Variants in LRRTM4 observed in about 807,000 individuals in gnomAD.
The protein encoded by LRRTM4 is leucine rich repeat transmembrane neuronal 4.
LRRTM4 carries 25 observed loss-of-function variants against 47.6 expected under a neutral mutation model. That is an observed-to-expected ratio of 0.53 (90% CI 0.38 to 0.73). The LOEUF (loss-of-function observed/expected upper bound fraction) is 0.73. Ranked by LOEUF, LRRTM4 falls within the 30% of genes least tolerant of loss-of-function variation. LRRTM4 has a pLI of 0.00. For synonymous variants in LRRTM4, 311 were observed against 269.5 expected (o/e 1.15, Z -1.51); for missense variants, 638 against 713.4 (o/e 0.89, Z 1.20).
intron 3 of LRRTM4, among the ~76,000 whole-genome samples, chr2:76,919,769 T>C (rs917209886): frequency 6.6e-6 from 1 of 152,188 alleles, no homozygotes; most frequent in East Asian, 1.9e-4. Context: ...CAGCATCCAA[T>C]GCACATTATA....
At chr2:77,492,864 T>G in intron 3 of LRRTM4, among the ~76,000 whole-genome samples, 1 of 152,150 alleles carries the variant, frequency 6.6e-6, no homozygotes, top group East Asian at 1.9e-4. Context: ...ATAAATAATA[T>G]ATTTTAATGC....
At chr2:77,330,659 C>A (rs1377539679) in intron 3 of LRRTM4, among the ~76,000 whole-genome samples, 2 of 152,088 alleles carry the variant, frequency 1.3e-5, no homozygotes, top group Non-Finnish European at 2.9e-5. Context: ...TTATTTTATA[C>A]ATATTAATAA....
Position 77,234,947 on chromosome 2 carries a change from T to C in LRRTM4, c.1551+283371A>G, listed in dbSNP as rs987524965. On this transcript the variant is annotated intron_variant, in intron 3 of 3. Coordinates refer to ENST00000409884, the MANE Select transcript of LRRTM4 (RefSeq NM_001134745.3). Reference sequence around the variant, plus strand: ...CATCTTTACATCTGCTTGTATCCAATGTTTTGCTCCTGCTTATAAGTGATA... The same window carrying C: ...CATCTTTACATCTGCTTGTATCCAACGTTTTGCTCCTGCTTATAAGTGATA... Among the ~76,000 whole-genome samples the C allele has an allele frequency of 7.9e-5, 12 of 152,290 alleles. 1 individual carries two copies. Among genetic ancestry groups the C allele is most frequent in the Admixed American group, 7.8e-4 (12 of 15,294 alleles).
chr2:76,938,243 T>C (rs943869058), intron 3 of LRRTM4, among the ~76,000 whole-genome samples: 1 of 152,166 alleles, frequency 6.6e-6, no homozygotes, highest in African/African-American at 2.4e-5. Context: ...TTAGACTAGA[T>C]ATTTTGAGTT....
intron 3 of LRRTM4, among the ~76,000 whole-genome samples, chr2:77,316,165 G>A (rs1677612722): frequency 6.6e-6 from 1 of 152,134 alleles, no homozygotes; most frequent in African/African-American, 2.4e-5. Flanking sequence ...TTTGGGGCCA[G>A]TGACATGGTA....
At chr2:77,089,478 C>A (rs1680853792) in intron 3 of LRRTM4, among the ~76,000 whole-genome samples, 1 of 151,650 alleles carries the variant, frequency 6.6e-6, no homozygotes, top group East Asian at 2.0e-4. Context: ...CGTGCCCCGA[C>A]CTCTTATTTC....
intron 3 of LRRTM4, among the ~76,000 whole-genome samples, chr2:77,109,967 A>C (rs1298992787): frequency 6.6e-6 from 1 of 152,120 alleles, no homozygotes; most frequent in African/African-American, 2.4e-5. Context: ...AAGAGATTAA[A>C]AAAATATAAA....
At chr2:77,476,937 G>T (rs1402166289) in intron 3 of LRRTM4, among the ~76,000 whole-genome samples, 1 of 150,888 alleles carries the variant, frequency 6.6e-6, no homozygotes. Flanking sequence ...AGTAAATGCA[G>T]AATTATGTAT....
chr2:77,385,098 T>A (rs1673212206), intron 3 of LRRTM4, among the ~76,000 whole-genome samples: 3 of 152,134 alleles, frequency 2.0e-5, no homozygotes, highest in African/African-American at 7.2e-5. Context: ...ATAACATTGT[T>A]ATTGTAACAT....
intron 3 of LRRTM4, among the ~76,000 whole-genome samples, chr2:76,782,600 A>G (rs1337534554): frequency 6.6e-6 from 1 of 152,170 alleles, no homozygotes. Context: ...ATTTGTTTAC[A>G]TTTTTTAAAC....
intron 3 of LRRTM4, among the ~76,000 whole-genome samples, chr2:77,429,288 C>G (rs1026189694): frequency 1.3e-5 from 2 of 152,022 alleles, no homozygotes. Flanking sequence ...TTTTATGACC[C>G]AGGAAAATTA....
intron 3 of LRRTM4, among the ~76,000 whole-genome samples, chr2:77,498,282 C>T (rs1242448552): frequency 6.6e-6 from 1 of 151,684 alleles, no homozygotes; most frequent in Non-Finnish European, 1.5e-5. Context: ...AAATTGCTTC[C>T]TCTAGTAGAG....
chr2:76,916,406 A>AAAAAAAAAAAAAAAAG (rs1405457661), intron 3 of LRRTM4, among the ~76,000 whole-genome samples: 1 of 146,640 alleles, frequency 6.8e-6, no homozygotes, highest in African/African-American at 2.6e-5. Flanking sequence ...AAAAAAAAAA[A>AAAAAAAAAAAAAAAAG]AGAAAAGAAA....
chr2:77,178,543 G>A (rs532018427), intron 3 of LRRTM4, among the ~76,000 whole-genome samples: 42 of 152,090 alleles, frequency 2.8e-4, no homozygotes, highest in African/African-American at 8.9e-4. Context: ...TCAAGATCGC[G>A]CCACTGCACT....
chr2:77,413,654 G>A (rs1674527010), intron 3 of LRRTM4, among the ~76,000 whole-genome samples: 1 of 152,078 alleles, frequency 6.6e-6, no homozygotes, highest in South Asian at 2.1e-4. Context: ...CCAGAAGGAG[G>A]GAGAATTGAT....
intron 3 of LRRTM4, among the ~76,000 whole-genome samples, chr2:77,031,554 G>C (rs188407307): frequency 6.6e-6 from 1 of 152,024 alleles, no homozygotes; most frequent in Non-Finnish European, 1.5e-5. Flanking sequence ...TGGGTTACTC[G>C]GGGAGTGAGA....
intron 3 of LRRTM4, among the ~76,000 whole-genome samples, chr2:76,858,097 G>T (rs1011852432): frequency 2.0e-5 from 3 of 152,092 alleles, no homozygotes; most frequent in African/African-American, 7.2e-5. Context: ...ATAATGGTTA[G>T]TTTTATGTGT....
At chr2:76,951,745 T>C (rs1675503175) in intron 3 of LRRTM4, among the ~76,000 whole-genome samples, 1 of 151,862 alleles carries the variant, frequency 6.6e-6, no homozygotes, top group Non-Finnish European at 1.5e-5. Context: ...AAGCCCCGCA[T>C]GCATTAGGTA....
intron 3 of LRRTM4, among the ~76,000 whole-genome samples, chr2:76,786,900 C>T (rs1171569726): frequency 2.6e-5 from 4 of 152,096 alleles, no homozygotes; most frequent in African/African-American, 9.7e-5. Flanking sequence ...GCCCCCAAGT[C>T]AGCAAGTTTT....
Sources: allele counts gnomAD v4.1 joint callset (sites outside exome capture counted in the v4.1 genomes callset), GRCh38; gene constraint gnomAD v4.1.1; transcripts MANE v1.5; gene names NCBI Gene and HGNC (gene_info 2026-07-23, HGNC 2026-07-21).